CEP85L: variants seen among roughly 807,000 people sequenced by gnomAD.
CEP85L encodes centrosomal protein 85L.
In CEP85L, 60 loss-of-function variants were observed where a neutral mutation model predicts 100.3. The observed-to-expected ratio is 0.60, with a 90% CI of 0.49 to 0.74. The LOEUF (loss-of-function observed/expected upper bound fraction) is 0.74, where lower values mean the gene tolerates loss of function less well. CEP85L is among the 30% of genes least tolerant of loss of function. The probability of loss-of-function intolerance (pLI) is 0.00; values close to 1 mark genes in which losing one functional copy is unlikely to be tolerated. For synonymous variants in CEP85L, 319 were observed against 322.7 expected, an observed-to-expected ratio of 0.99 and a Z score of 0.12; for missense variants, 973 against 936.2, an observed-to-expected ratio of 1.04 and a Z score of -0.51.
intron 1 of CEP85L, among the ~76,000 whole-genome samples, chr6:118,662,567 AT>A (rs952030298): frequency 3.3e-5 from 5 of 151,754 alleles, no homozygotes; most frequent in African/African-American, 1.2e-4. Context: ...ATGAGTTATT[AT>A]TATCTCCATT....
At chr6:118,491,948 T>C (rs1774606496) in intron 5 of CEP85L, 83 bp from the exon 6 acceptor site, 2 of 1,033,602 alleles carry the variant, frequency 1.9e-6, no homozygotes, top group Non-Finnish European at 1.4e-6. Flanking sequence ...AAGTATAATA[T>C]AAGGAGTACA....
chr6:118,550,475 T>G (rs1203683526), intron 3 of CEP85L, among the ~76,000 whole-genome samples: 2 of 151,882 alleles, frequency 1.3e-5, no homozygotes, highest in African/African-American at 2.4e-5. Context: ...AATGAACACT[T>G]CTTTTTTATT....
intron 2 of CEP85L, among the ~76,000 whole-genome samples, chr6:118,607,158 G>T (rs1400898204): frequency 6.6e-6 from 1 of 152,082 alleles, no homozygotes; most frequent in East Asian, 1.9e-4. Context: ...TATCAAACTG[G>T]CAAGGCTTAA....
chr6:118,502,375 C>T, intron 5 of CEP85L: 1 of 524,128 alleles, frequency 1.9e-6, no homozygotes, highest in Non-Finnish European at 3.6e-6. Context: ...TATGTTAAGA[C>T]AGATAGTTTG....
intron 3 of CEP85L, among the ~76,000 whole-genome samples, chr6:118,530,079 G>A (rs902502604): frequency 2.0e-5 from 3 of 151,128 alleles, no homozygotes; most frequent in Non-Finnish European, 4.4e-5. Flanking sequence ...TAAGGTAAAA[G>A]ATAAAAGTTA....
At chr6:118,565,452 T>C (rs763254) in intron 3 of CEP85L, 77 bp downstream of exon 3, 560,075 of 1,332,408 alleles carry the variant, frequency 0.42, 122,133 homozygotes, top group Non-Finnish European at 0.46. Flanking sequence ...GAACACTTGT[T>C]ATATGCTTAC....
Position 118,464,697 on chromosome 6 carries a change from C to CAT in CEP85L, c.*707_*708insAT, listed in dbSNP as rs1240132836. ...TTCTTGTAACACATACATTACAATG[C>CAT]TAAGGAAAAAGAGCATCACGTCAAA... On this transcript the variant is annotated 3_prime_UTR_variant, in exon 13 of 13. Transcript: ENST00000368491. 8.6e-5 allele frequency: 13 copies of CAT among 151,974 alleles called. No homozygotes were observed. The highest frequency in any genetic ancestry group is 2.9e-4 in the African/African-American group (12 of 41,378). 9.4% of individuals were successfully genotyped at this position (151,974 alleles called of 1,614,324 possible). A position where few individuals can be genotyped will look rare whatever the true frequency, so the allele number is the denominator to read the frequency against.
Position 118,462,459 on chromosome 6 carries a change from T to C in CEP85L, c.*2946A>G, listed in dbSNP as rs562447271. ...TTGGGTCTTTCATTGAGTCAACTGT[T>C]ACTTTATGCTTGCTGTAATGTGATT... On this transcript the variant is annotated 3_prime_UTR_variant, in exon 13 of 13. Coordinates refer to ENST00000368491, the MANE Select transcript of CEP85L (RefSeq NM_001042475.3). 7 of 152,162 alleles carry C rather than the reference T, an allele frequency of 4.6e-5. No homozygotes were observed. In the South Asian group the frequency reaches 1.2e-3, roughly 27 times the overall value. 9.4% of individuals were successfully genotyped at this position (152,162 alleles called of 1,614,324 possible). A position where few individuals can be genotyped will look rare whatever the true frequency, so the allele number is the denominator to read the frequency against.
At chr6:118,604,277 T>C (rs1449697165) in intron 2 of CEP85L, among the ~76,000 whole-genome samples, 3 of 152,224 alleles carry the variant, frequency 2.0e-5, no homozygotes, top group Non-Finnish European at 2.9e-5. Flanking sequence ...AGCAGATTAG[T>C]GCTCTAAGAA....
chr6:118,569,966 A>C (rs1325404842), intron 2 of CEP85L, among the ~76,000 whole-genome samples: 1 of 152,218 alleles, frequency 6.6e-6, no homozygotes, highest in Non-Finnish European at 1.5e-5. Context: ...CAGTAATGGG[A>C]ACACAAACTG....
chr6:118,477,559 T>C (rs1223241631), intron 10 of CEP85L, among the ~76,000 whole-genome samples: 1 of 152,152 alleles, frequency 6.6e-6, no homozygotes, highest in Non-Finnish European at 1.5e-5. Flanking sequence ...GATTTTTTTT[T>C]CCCTTTTGGG....
chr6:118,626,660 C>T (rs960772969), intron 2 of CEP85L, among the ~76,000 whole-genome samples: 4 of 152,176 alleles, frequency 2.6e-5, no homozygotes, highest in African/African-American at 4.8e-5. Context: ...ACCCCTTCCA[C>T]ACTGTAGAAG....
intron 2 of CEP85L, among the ~76,000 whole-genome samples, chr6:118,600,300 G>GGTGTGTGTGTGTGTGTGTGTGT (rs59278037): frequency 1.9e-5 from 1 of 52,236 alleles, no homozygotes; most frequent in African/African-American, 6.8e-5. Flanking sequence ...CCTTCCTGGG[G>GGTGTGTGTGTGTGTGTGTGTGT]GTGTGTGTGT....
At chr6:118,685,282 T>C (rs1776794795) in intron 1 of CEP85L, among the ~76,000 whole-genome samples, 1 of 152,200 alleles carries the variant, frequency 6.6e-6, no homozygotes, top group Non-Finnish European at 1.5e-5. Flanking sequence ...GATACTATTT[T>C]AAGTACCTTG....
intron 4 of CEP85L, among the ~76,000 whole-genome samples, chr6:118,513,126 T>C (rs1411301700): frequency 6.6e-6 from 1 of 151,404 alleles, no homozygotes; most frequent in Non-Finnish European, 1.5e-5. Flanking sequence ...ATAGAAACTA[T>C]CTAAAAAGAA....
intron 5 of CEP85L, chr6:118,502,149 T>A: frequency 8.7e-7 from 1 of 1,153,720 alleles, no homozygotes; most frequent in Non-Finnish European, 1.2e-6. Flanking sequence ...GAGTGAATAT[T>A]CTGCAGGGGT....
chr6:118,646,600 C>T (rs1033638194), intron 1 of CEP85L, among the ~76,000 whole-genome samples: 1 of 151,516 alleles, frequency 6.6e-6, no homozygotes, highest in African/African-American at 2.4e-5. Flanking sequence ...ACCCCGGAGA[C>T]GGAGGTTGCT....
chr6:118,520,271 C>G (rs899660269), intron 4 of CEP85L, among the ~76,000 whole-genome samples: 1 of 152,144 alleles, frequency 6.6e-6, no homozygotes, highest in African/African-American at 2.4e-5. Context: ...CACCTTTAAT[C>G]ACAGACAACA....
In CEP85L at chr6:118,651,410, T is replaced by A; in HGVS notation, c.-141A>T. ...AAAGGCGGGATGGCTGGTTAACGGC[T>A]GCTCAGCTACGGGCGGGGAGCGCAG... On this transcript the variant is annotated 5_prime_UTR_variant, in exon 1 of 13. Coordinates refer to ENST00000368491, the MANE Select transcript of CEP85L (RefSeq NM_001042475.3). 2 of 1,346,576 alleles carry A rather than the reference T, an allele frequency of 1.5e-6. No homozygotes were observed. Among genetic ancestry groups the A allele is most frequent in the Non-Finnish European group, 1.9e-6 (2 of 1,052,772 alleles). 83.4% of individuals were successfully genotyped at this position (1,346,576 alleles called of 1,614,324 possible). A position where few individuals can be genotyped will look rare whatever the true frequency, so the allele number is the denominator to read the frequency against.
Sources: gnomAD v4.1 joint callset for allele counts (sites outside exome capture counted in the v4.1 genomes callset) on GRCh38, gnomAD v4.1.1 for gene constraint, MANE v1.5 for transcripts, NCBI Gene and HGNC (gene_info 2026-07-23, HGNC 2026-07-21) for gene names.